Variants in MTOR observed in about 807,000 individuals in gnomAD.
MTOR encodes the protein mechanistic target of rapamycin kinase.
MTOR carries 70 observed loss-of-function variants against 319.8 expected under a neutral mutation model. The observed-to-expected ratio is 0.22, with a 90% CI of 0.18 to 0.27. MTOR has a LOEUF of 0.27. Ranked by LOEUF, MTOR falls within the 10% of genes least tolerant of loss-of-function variation. The pLI is 1.00. For missense variants in MTOR, 1,890 were observed against 3,274.4 expected (o/e 0.58, Z 10.32); for synonymous variants, 1,183 against 1,211.4 (o/e 0.98, Z 0.49).
chr1:11,128,520 C>A lies in MTOR; in HGVS notation c.5844G>T (p.Thr1948=), dbSNP rs578148544. The change falls in exon 42 of 58, where the codon ACG becomes ACT. Residue 1948 remains threonine, a synonymous_variant. Transcript: ENST00000361445. The surrounding 1 kb of genome is among the most constrained non-coding windows in gnomAD (Gnocchi z 5.3). ...VIPQLIARID[T]PRPLVGRLIH... Reference sequence around the variant, plus strand: ...TGAGACGTCCCACCAAGGGTCTGGGCGTATCAATTCTTGCAATGAGCTGAG... The same window carrying A: ...TGAGACGTCCCACCAAGGGTCTGGGAGTATCAATTCTTGCAATGAGCTGAG... The A allele has an allele frequency of 2.5e-6, 4 of 1,614,088 alleles. No homozygotes were observed. Among genetic ancestry groups the A allele is most frequent in the Middle Eastern group, 1.6e-4 (1 of 6,062 alleles).
In MTOR at chr1:11,124,213, A is replaced by G. The variant is rs553600753; in HGVS notation, c.6662+285T>C. On this transcript the variant is annotated intron_variant, in intron 47 of 57. Coordinates refer to ENST00000361445, the MANE Select transcript of MTOR (RefSeq NM_004958.4). ...ACAAAATATTAGGATTATAGGTGCG[A>G]GCCACCATGCCCAGCCTTTTTCTTC... Among the ~76,000 whole-genome samples, 4 of 152,266 alleles carry G rather than the reference A, an allele frequency of 2.6e-5. No homozygotes were observed. In the East Asian group the frequency reaches 7.7e-4, roughly 29 times the overall value.
At chr1:11,230,802 G>T in intron 18 of MTOR, 123 bp downstream of exon 18, 1 of 1,327,584 alleles carries the variant, frequency 7.5e-7, no homozygotes, top group Non-Finnish European at 1.0e-6. Flanking sequence ...TCATTCAAAA[G>T]TTGCTACACG....
At position 11,130,573 on chromosome 1, in the gene MTOR, C is replaced by T. The variant is rs779045714; in HGVS notation, c.5569G>A (p.Glu1857Lys). Residue 1857 changes from glutamate to lysine, a missense_variant, in exon 39 of 58, where the codon GAG becomes AAG. Glu to Lys is a moderately conservative substitution (Grantham distance 56). This residue lies in a region of MTOR where 91 missense variants were observed against 90.4 expected (regional missense o/e 1.01). Coordinates refer to ENST00000361445, the MANE Select transcript of MTOR (RefSeq NM_004958.4). ...AGCGGCGATGGGGTGGGGCTGTTCT[C>T]GGTGCTCTCGGCCTCGCTCTCACTG... ...SNSESEAESTENSPTPSPLQK... is the reference protein window; with the variant it reads ...SNSESEAESTKNSPTPSPLQK... The T allele has an allele frequency of 1.5e-5, 24 of 1,613,446 alleles. No individual in the cohort carries two copies. The highest frequency in any genetic ancestry group is 2.2e-5 in the East Asian group (1 of 44,898).
At chr1:11,186,119 C>T (rs926389664) in intron 28 of MTOR, among the ~76,000 whole-genome samples, 60 of 147,530 alleles carry the variant, frequency 4.1e-4, no homozygotes, top group Middle Eastern at 3.6e-3. Flanking sequence ...AGATATTCAA[C>T]GGCTGTATAG....
chr1:11,140,495 C>T (rs372232809), intron 34 of MTOR, among the ~76,000 whole-genome samples: 1 of 152,148 alleles, frequency 6.6e-6, no homozygotes, highest in Non-Finnish European at 1.5e-5. Context: ...CTGTGCCTCC[C>T]GGTTCCTAAC....
rs2100792772 is a variant in MTOR, at chr1:11,212,335, G to C, written c.3538C>G (p.Leu1180Val). The C allele has an allele frequency of 6.2e-7, 1 of 1,614,008 alleles. No individual in the cohort carries two copies. Among genetic ancestry groups the C allele is most frequent in the South Asian group, 1.1e-5 (1 of 91,064 alleles). Residue 1180 changes from leucine (L) to valine (V), a missense_variant, in exon 23 of 58, where the codon CTT becomes GTT. Physicochemically the swap from Leu to Val is conservative, Grantham distance 32. This residue lies in a region of MTOR where 115 missense variants were observed against 105.7 expected (regional missense o/e 1.09). Transcript: ENST00000361445. This position sits in a 1 kb window ranked among gnomAD's most constrained non-coding sequence, Gnocchi z 4.1. ...ACCTTCTTCCCCAGCTGAAAAACAA[G>C]TGAAGACAGCGTGTCCATGGCTGTG... Reference protein sequence around the residue: ...RSTAMDTLSSLVFQLGKKYQI... With the variant: ...RSTAMDTLSSVVFQLGKKYQI...
intron 34 of MTOR, among the ~76,000 whole-genome samples, chr1:11,141,785 GATCATCCTGGCTAAT>G (rs969328914): frequency 2.1e-4 from 32 of 150,006 alleles, no homozygotes; most frequent in African/African-American, 7.8e-4. Flanking sequence ...AGGAGATCGA[GATCATCCTGGCTAAT>G]ACGGTGAAAC....
chr1:11,261,638 AG>A (rs2100993741), intron 1 of MTOR, among the ~76,000 whole-genome samples: 1 of 152,244 alleles, frequency 6.6e-6, no homozygotes, highest in South Asian at 2.1e-4. Flanking sequence ...TAAGGCACAG[AG>A]GAAAAACCTG....
intron 19 of MTOR, among the ~76,000 whole-genome samples, chr1:11,219,409 CA>C (rs138692092): frequency 0.012 from 1,754 of 152,092 alleles, 49 homozygotes; most frequent in African/African-American, 0.04. Context: ...ATCTATTGTA[CA>C]GGTTTAGGGA....
chr1:11,230,057 G>A (rs1646966793), intron 18 of MTOR, among the ~76,000 whole-genome samples: 1 of 151,434 alleles, frequency 6.6e-6, no homozygotes, highest in Non-Finnish European at 1.5e-5. Flanking sequence ...CTGGAACCTT[G>A]CACTCATTCA....
At chr1:11,162,686 G>C (rs934013962) in intron 29 of MTOR, among the ~76,000 whole-genome samples, 10 of 152,150 alleles carry the variant, frequency 6.6e-5, no homozygotes, top group African/African-American at 2.4e-4. Flanking sequence ...GCCAAACTAA[G>C]CTTCATAAGT....
At chr1:11,240,243 C>A (rs1298714889) in intron 11 of MTOR, 60 bp downstream of exon 11, 2 of 1,509,518 alleles carry the variant, frequency 1.3e-6, no homozygotes, top group Non-Finnish European at 1.8e-6. Context: ...TACCTTCATT[C>A]CTTTCCCAAA....
At chr1:11,228,333 C>T (rs757197814) in intron 19 of MTOR, among the ~76,000 whole-genome samples, 6 of 152,006 alleles carry the variant, frequency 3.9e-5, no homozygotes, top group Non-Finnish European at 7.4e-5. Flanking sequence ...GGATTATAGG[C>T]GTGCACCATC....
At chr1:11,123,264 T>C (rs1343587642) in intron 47 of MTOR, among the ~76,000 whole-genome samples, 1 of 152,154 alleles carries the variant, frequency 6.6e-6, no homozygotes, top group Non-Finnish European at 1.5e-5. Flanking sequence ...TTAAAAAATA[T>C]TATTTACTTT....
chr1:11,140,297 T>G, intron 34 of MTOR, among the ~76,000 whole-genome samples: 1 of 119,152 alleles, frequency 8.4e-6, no homozygotes, highest in African/African-American at 3.2e-5. Flanking sequence ...GGAAGACAAT[T>G]ATTCCACAGA....
At chr1:11,247,275 C>T (rs770988943) in intron 8 of MTOR, among the ~76,000 whole-genome samples, 7 of 152,194 alleles carry the variant, frequency 4.6e-5, no homozygotes, top group Admixed American at 1.3e-4. Flanking sequence ...AGAAGCAGGA[C>T]GATCCCCAAA....
At chr1:11,244,152 C>T (rs1648478581) in intron 8 of MTOR, among the ~76,000 whole-genome samples, 1 of 151,730 alleles carries the variant, frequency 6.6e-6, no homozygotes, top group South Asian at 2.1e-4. Flanking sequence ...ATTAGCCGGA[C>T]ATAAGGGTGC....
chr1:11,163,206 T>C (rs1442300503), intron 29 of MTOR, among the ~76,000 whole-genome samples: 4 of 152,100 alleles, frequency 2.6e-5, no homozygotes, highest in Admixed American at 2.6e-4. Context: ...TATATAATGA[T>C]AAAGGGATCA....
rs1557773248 is a variant in MTOR at position 11,146,803 on chromosome 1, C to CA, written c.4571-13dup. 4 of 1,598,692 alleles carry CA rather than the reference C, an allele frequency of 2.5e-6. No individual in the cohort carries two copies. The highest frequency in any genetic ancestry group is 3.4e-6 in the Non-Finnish European group (4 of 1,166,114). On this transcript the variant is annotated splice_polypyrimidine_tract_variant and intron_variant, in intron 31 of 57. Transcript: ENST00000361445. ...GCTGTCCCACTGACCTATACACACACACATAGACAGAAAGCATCAAGGGGG... is the reference window on the plus strand; with the variant it reads ...GCTGTCCCACTGACCTATACACACACAACATAGACAGAAAGCATCAAGGGGG...
Sources: allele counts gnomAD v4.1 joint callset (sites outside exome capture counted in the v4.1 genomes callset), GRCh38; gene constraint gnomAD v4.1.1; regional missense constraint gnomAD v4.1.1; non-coding constraint Gnocchi (gnomAD v3.1); transcripts MANE v1.5; gene names NCBI Gene and HGNC (gene_info 2026-07-23, HGNC 2026-07-21).